The following MAGI2 variants were observed in gnomAD, a reference collection of about 807,000 sequenced individuals.
The protein encoded by MAGI2 is membrane associated guanylate kinase, WW and PDZ domain containing 2.
In MAGI2, 35 loss-of-function variants were observed where a neutral mutation model predicts 133.3. That is an observed-to-expected ratio of 0.26 (90% CI 0.20 to 0.35). The LOEUF is 0.35. Ranked by LOEUF, MAGI2 falls within the 10% of genes least tolerant of loss-of-function variation. The probability of loss-of-function intolerance (pLI) is 1.00; values close to 1 mark genes in which losing one functional copy is unlikely to be tolerated. For synonymous variants in MAGI2, 729 were observed against 710.6 expected (o/e 1.03, Z -0.41); for missense variants, 1,636 against 1,863.4 (o/e 0.88, Z 2.25).
intron 20 of MAGI2, among the ~76,000 whole-genome samples, chr7:78,087,078 A>T (rs1014915719): frequency 1.3e-5 from 2 of 152,120 alleles, no homozygotes; most frequent in African/African-American, 4.8e-5. Context: ...AACTTCAGGG[A>T]TGATATCATC....
chr7:78,581,454 T>C (rs756614869), intron 3 of MAGI2, among the ~76,000 whole-genome samples: 1 of 152,202 alleles, frequency 6.6e-6, no homozygotes, highest in African/African-American at 2.4e-5. Flanking sequence ...CATAGCAGTA[T>C]ATGGTTAGAA....
chr7:78,122,277 T>C (rs1820547251), intron 20 of MAGI2, among the ~76,000 whole-genome samples: 1 of 152,236 alleles, frequency 6.6e-6, no homozygotes, highest in Non-Finnish European at 1.5e-5. Context: ...AATCGTTTTA[T>C]GTTTAATAAA....
chr7:78,968,717 C>T (rs1803532605), intron 2 of MAGI2, among the ~76,000 whole-genome samples: 1 of 151,834 alleles, frequency 6.6e-6, no homozygotes, highest in African/African-American at 2.4e-5. Context: ...TTATGAGATC[C>T]CCATACATAA....
intron 2 of MAGI2, among the ~76,000 whole-genome samples, chr7:78,956,654 G>C (rs1802402825): frequency 6.6e-6 from 1 of 152,164 alleles, no homozygotes; most frequent in Non-Finnish European, 1.5e-5. Flanking sequence ...GTCACACATG[G>C]AGATGAAGAG....
At chr7:78,896,055 A>G (rs972617867) in intron 2 of MAGI2, among the ~76,000 whole-genome samples, 10 of 152,214 alleles carry the variant, frequency 6.6e-5, no homozygotes, top group Non-Finnish European at 1.2e-4. Flanking sequence ...TTAGGCTTCA[A>G]TAAGAACTAA....
At chr7:78,381,781 A>G (rs1794943891) in intron 6 of MAGI2, among the ~76,000 whole-genome samples, 1 of 152,172 alleles carries the variant, frequency 6.6e-6, no homozygotes, top group East Asian at 1.9e-4. Flanking sequence ...CAAAAATTCA[A>G]AAGCTTGACA....
intron 3 of MAGI2, chr7:78,568,416 T>A (rs1454007320): frequency 6.6e-6 from 1 of 152,256 alleles, no homozygotes. Flanking sequence ...GAACATTTGA[T>A]TTTGCATTTC....
intron 1 of MAGI2, among the ~76,000 whole-genome samples, chr7:79,118,155 G>A (rs945778693): frequency 2.6e-5 from 4 of 152,174 alleles, no homozygotes; most frequent in Non-Finnish European, 5.9e-5. Context: ...TGGTCCCTCT[G>A]TGTTCTCACT....
At chr7:78,230,294 T>C (rs6978674) in intron 10 of MAGI2, among the ~76,000 whole-genome samples, 46,943 of 152,154 alleles carry the variant, frequency 0.31, 8,490 homozygotes, top group Non-Finnish European at 0.4. Flanking sequence ...TTACATAGGG[T>C]GTACAGAGTT....
At chr7:78,255,502 G>A in intron 10 of MAGI2, 1 of 311,776 alleles carries the variant, frequency 3.2e-6, no homozygotes, top group Non-Finnish European at 5.9e-6. Flanking sequence ...CTTGGGCTTA[G>A]TAGGGGTTGA....
intron 2 of MAGI2, among the ~76,000 whole-genome samples, chr7:78,763,617 T>C (rs933270645): frequency 6.6e-6 from 1 of 152,148 alleles, no homozygotes; most frequent in African/African-American, 2.4e-5. Context: ...AGCATGATTA[T>C]AGTAACATAG....
intron 2 of MAGI2, among the ~76,000 whole-genome samples, chr7:78,955,257 G>T (rs1802201742): frequency 6.6e-6 from 1 of 151,710 alleles, no homozygotes; most frequent in Non-Finnish European, 1.5e-5. Context: ...TAGAATATAT[G>T]TCTTTGCATT....
At chr7:78,161,768 A>C (rs1473423902) in intron 15 of MAGI2, among the ~76,000 whole-genome samples, 1 of 151,728 alleles carries the variant, frequency 6.6e-6, no homozygotes, top group Non-Finnish European at 1.5e-5. Flanking sequence ...TCTTGTTTGC[A>C]ATTACAGAAT....
intron 2 of MAGI2, among the ~76,000 whole-genome samples, chr7:78,777,695 G>A (rs536375260): frequency 4.6e-5 from 7 of 152,110 alleles, no homozygotes; most frequent in Non-Finnish European, 1.0e-4. Flanking sequence ...TTATGAAATT[G>A]CATATTTTGA....
At position 78,333,066 on chromosome 7, in the gene MAGI2, C is replaced by T. The variant is rs376976348; in HGVS notation, c.1408+10712G>A. Among the ~76,000 whole-genome samples the T allele has an allele frequency of 4.6e-5, 7 of 152,240 alleles. No individual in the cohort carries two copies. The East Asian group carries it at 7.7e-4, about 17-fold the overall frequency. On this transcript the variant is annotated intron_variant, in intron 9 of 21. Coordinates refer to ENST00000354212, the MANE Select transcript of MAGI2 (RefSeq NM_012301.4). ...GGCAGTTTTAGAAAATTATCTAACACGATGTGAGTATGAATATTTTGCTAG... is the reference window on the plus strand; with the variant it reads ...GGCAGTTTTAGAAAATTATCTAACATGATGTGAGTATGAATATTTTGCTAG...
At chr7:78,312,203 A>G (rs1185867780) in intron 9 of MAGI2, among the ~76,000 whole-genome samples, 1 of 149,760 alleles carries the variant, frequency 6.7e-6, no homozygotes, top group African/African-American at 2.5e-5. Flanking sequence ...ACTTCATGCC[A>G]AAAAAAGTTG....
intron 6 of MAGI2, among the ~76,000 whole-genome samples, chr7:78,463,177 T>A (rs2151516675): frequency 6.6e-6 from 1 of 152,308 alleles, no homozygotes; most frequent in East Asian, 1.9e-4. Context: ...TCCAAAAAGA[T>A]GTGCCTGCTG....
At chr7:78,232,917 A>G (rs907476297) in intron 10 of MAGI2, among the ~76,000 whole-genome samples, 3 of 152,200 alleles carry the variant, frequency 2.0e-5, no homozygotes, top group African/African-American at 7.2e-5. Context: ...AGGTTTTTAC[A>G]TGTTTTGTTC....
At chr7:78,473,274 G>T (rs1261073947) in intron 6 of MAGI2, among the ~76,000 whole-genome samples, 2 of 151,986 alleles carry the variant, frequency 1.3e-5, no homozygotes, top group Non-Finnish European at 2.9e-5. Flanking sequence ...TGGGGCCCAG[G>T]ACTACATTTT....
Sources: gnomAD v4.1 joint callset for allele counts (sites outside exome capture counted in the v4.1 genomes callset) on GRCh38, gnomAD v4.1.1 for gene constraint, MANE v1.5 for transcripts, NCBI Gene and HGNC (gene_info 2026-07-23, HGNC 2026-07-21) for gene names.